TTC5: variants seen among roughly 807,000 people sequenced by gnomAD.
The protein encoded by TTC5 is tetratricopeptide repeat protein 5.
A neutral mutation model predicts 57.4 loss-of-function variants in TTC5; 46 were observed. The ratio of observed to expected loss-of-function variants is 0.80; its 90% confidence interval spans 0.63 to 1.03. The LOEUF (loss-of-function observed/expected upper bound fraction) is 1.03, where lower values mean the gene tolerates loss of function less well. Ranked by LOEUF, TTC5 falls within the 50% of genes least tolerant of loss-of-function variation. The probability of loss-of-function intolerance (pLI) is 0.00; values close to 1 mark genes in which losing one functional copy is unlikely to be tolerated. For missense variants in TTC5, 504 were observed against 528.1 expected, an observed-to-expected ratio of 0.95 and a Z score of 0.45; for synonymous variants, 190 against 203.5, an observed-to-expected ratio of 0.93 and a Z score of 0.57.
chr14:20,291,380 C>T (rs567261109), intron 9 of TTC5, among the ~76,000 whole-genome samples: 1 of 152,296 alleles, frequency 6.6e-6, no homozygotes, highest in East Asian at 1.9e-4. Context: ...TTAATAAACA[C>T]AAGCAGTGAG....
At chr14:20,299,528 A>T (rs2138815001) in intron 3 of TTC5, 80 bp from the exon 4 acceptor site, 1 of 1,510,196 alleles carries the variant, frequency 6.6e-7, no homozygotes, top group Middle Eastern at 1.7e-4. Context: ...CAGTCTTCTA[A>T]ATCTAATTTT....
chr14:20,304,328 T>C (rs977680896), intron 1 of TTC5, among the ~76,000 whole-genome samples: 1 of 152,250 alleles, frequency 6.6e-6, no homozygotes, highest in Admixed American at 6.5e-5. Flanking sequence ...GCAAATTTTA[T>C]TGTATTATAT....
chr14:20,300,639 C>T lies in TTC5; in HGVS notation c.364G>A (p.Ala122Thr), dbSNP rs757403603. 1 of 1,613,406 alleles carries T rather than the reference C, an allele frequency of 6.2e-7. No individual in the cohort carries two copies. The highest frequency in any genetic ancestry group is 1.3e-5 in the African/African-American group (1 of 75,034). ...VYWKKGDVAA[A>T]HTCFSGALTH... The stretch of plus-strand genomic sequence containing the variant: ...AGGGCTCCTGAGAAGCAGGTGTGGG[C>T]AGCTGCAACATCCCCTTTTTTCCAG... The change falls in exon 3 of 10, where the codon GCC (alanine) becomes ACC (threonine). Residue 122 changes from alanine to threonine, a missense_variant. By Grantham distance (58) the Ala-to-Thr change is moderately conservative. Transcript: ENST00000258821.
rs979411711 is a variant in TTC5, at chr14:20,287,147, T to A, written c.*2480A>T. 1 of 152,242 alleles carries A rather than the reference T, an allele frequency of 6.6e-6. No individual in the cohort carries two copies. The highest frequency in any genetic ancestry group is 2.4e-5 in the African/African-American group (1 of 41,468). The allele number at this position is 152,242 out of a possible 1,614,324, so 9.4% of individuals were successfully genotyped here. On this transcript the variant is annotated 3_prime_UTR_variant, in exon 10 of 10. Transcript: ENST00000258821. The stretch of plus-strand genomic sequence containing the variant: ...GCAATTCCATTCTATGTCAATACTC[T>A]TAAACAGTGGTTCTCAAATTTTACT...
intron 8 of TTC5, 41 bp from the exon 9 acceptor site, chr14:20,292,168 G>A (rs775520390): frequency 1.4e-6 from 2 of 1,415,122 alleles, no homozygotes; most frequent in South Asian, 3.5e-5. Flanking sequence ...AAAACAAAAA[G>A]GTATGTGGGT....
chr14:20,291,063 CTTT>C (rs201999119), intron 9 of TTC5, among the ~76,000 whole-genome samples: 1 of 149,030 alleles, frequency 6.7e-6, no homozygotes, highest in South Asian at 2.1e-4. Context: ...TCTTGTTTTT[CTTT>C]TTTTTTTGAG....
At chr14:20,305,774 G>T in intron 1 of TTC5, 113 bp downstream of exon 1, 1 of 1,126,908 alleles carries the variant, frequency 8.9e-7, no homozygotes, top group Non-Finnish European at 1.3e-6. Flanking sequence ...TAACCACACA[G>T]ACGCACGCAG....
chr14:20,297,261 T>C (rs893084949), intron 5 of TTC5, among the ~76,000 whole-genome samples: 1 of 152,164 alleles, frequency 6.6e-6, no homozygotes, highest in African/African-American at 2.4e-5. Context: ...AGAATTTTTT[T>C]TAAACAGATA....
chr14:20,291,954 G>A lies in TTC5; in HGVS notation c.1203+29C>T, dbSNP rs372947796. ...TTGGTTCTACTTTTAGAGCCTACGA[G>A]TTGTAAGAGAATCCTAGCCATTGCT... is the stretch of plus-strand genomic sequence containing the variant. On this transcript the variant is annotated intron_variant, in intron 9 of 9. Transcript: ENST00000258821. 40 of 1,527,846 alleles carry A rather than the reference G, an allele frequency of 2.6e-5. No homozygotes were observed. In the African/African-American group the frequency reaches 4.0e-4, roughly 15 times the overall value. 94.6% of individuals were successfully genotyped at this position (1,527,846 alleles called of 1,614,324 possible).
chr14:20,289,004 T>C lies in TTC5; in HGVS notation c.*623A>G, dbSNP rs940002021. 1 of 151,900 alleles carries C rather than the reference T, an allele frequency of 6.6e-6. No individual in the cohort carries two copies. Among genetic ancestry groups the C allele is most frequent in the Non-Finnish European group, 1.5e-5 (1 of 67,990 alleles). The allele number at this position is 151,900 out of a possible 1,614,324, so 9.4% of individuals were successfully genotyped here. A position where few individuals can be genotyped will look rare whatever the true frequency, so the allele number is the denominator to read the frequency against. ...GGGCTGTCTATTGTCGGAATTCTTTTAACTGGGAGAGAAATAAACTGCTTT... is the reference window on the plus strand; with the variant it reads ...GGGCTGTCTATTGTCGGAATTCTTTCAACTGGGAGAGAAATAAACTGCTTT... On this transcript the variant is annotated 3_prime_UTR_variant, in exon 10 of 10. Coordinates refer to ENST00000258821, the MANE Select transcript of TTC5 (RefSeq NM_138376.3).
At chr14:20,295,276 A>G in intron 8 of TTC5, 36 bp downstream of exon 8, 1 of 1,601,970 alleles carries the variant, frequency 6.2e-7, no homozygotes, top group Non-Finnish European at 8.6e-7. Flanking sequence ...AATTAGTTCA[A>G]AAGGGTAAAA....
chr14:20,291,798 C>T (rs1318178055), intron 9 of TTC5, among the ~76,000 whole-genome samples, 185 bp downstream of exon 9: 1 of 151,576 alleles, frequency 6.6e-6, no homozygotes, highest in Non-Finnish European at 1.5e-5. Context: ...TTTCTGCTTA[C>T]CAGTTTACCT....
intron 5 of TTC5, among the ~76,000 whole-genome samples, chr14:20,297,447 C>T (rs1448675166): frequency 6.6e-6 from 1 of 152,096 alleles, no homozygotes; most frequent in Non-Finnish European, 1.5e-5. Flanking sequence ...GATATGTTTA[C>T]AAATGCAGGT....
Position 20,295,460 on chromosome 14 carries a change from A to G in TTC5, c.910T>C (p.Cys304Arg), listed in dbSNP as rs1882041553. 3 of 1,614,158 alleles carry G rather than the reference A, an allele frequency of 1.9e-6. No homozygotes were observed. The highest frequency in any genetic ancestry group is 2.5e-6 in the Non-Finnish European group (3 of 1,180,032). ...GCTGACTGATAGTGCCCATCACTGC[A>G]AGGGCCTAGATGGGCTGGGCGCAAG... Reference protein sequence around the residue: ...GSLRPAHLGPCSDGHYQSASG... With the variant: ...GSLRPAHLGPRSDGHYQSASG... The change falls in exon 8 of 10, where the codon TGC becomes CGC. Residue 304 changes from cysteine to arginine, a missense_variant. Coordinates refer to ENST00000258821, the MANE Select transcript of TTC5 (RefSeq NM_138376.3).
chr14:20,295,622 C>T (rs1221891440), intron 7 of TTC5, 86 bp downstream of exon 7: 2 of 1,544,994 alleles, frequency 1.3e-6, no homozygotes, highest in Non-Finnish European at 1.7e-6. Context: ...GGGTCTCTAC[C>T]TCGTAAACCT....
In TTC5 at chr14:20,300,759, G is replaced by A; in HGVS notation, c.244C>T (p.Pro82Ser). The change falls in exon 3 of 10, where the codon CCT becomes TCT. Residue 82 changes from proline to serine, a missense_variant. Coordinates refer to ENST00000258821, the MANE Select transcript of TTC5 (RefSeq NM_138376.3). The stretch of plus-strand genomic sequence containing the variant: ...TCCTCAGCCTTAGGGCTATAGTCAG[G>A]AGTCACATTTAGTGCTTTCCCAGTT... Reference protein sequence around the residue: ...MLTGKALNVTPDYSPKAEELL... With the variant: ...MLTGKALNVTSDYSPKAEELL... The A allele has an allele frequency of 3.1e-6, 5 of 1,614,182 alleles. No homozygotes were observed. Among genetic ancestry groups the A allele is most frequent in the Non-Finnish European group, 4.2e-6 (5 of 1,180,040 alleles).
Position 20,295,398 on chromosome 14 carries a change from C to G in TTC5, c.972G>C (p.Leu324=). 3 of 1,614,186 alleles carry G rather than the reference C, an allele frequency of 1.9e-6. No homozygotes were observed. Among genetic ancestry groups the G allele is most frequent in the Non-Finnish European group, 2.5e-6 (3 of 1,180,022 alleles). Residue 324 remains leucine, a synonymous_variant, in exon 8 of 10, where the codon CTG becomes CTC. Coordinates refer to ENST00000258821, the MANE Select transcript of TTC5 (RefSeq NM_138376.3). ...TGTTCACCCCAGGCTGAAGCGTACT[C>G]AGTGGCTTGAGCTCCAGGGTCACTT... ...GQKVTLELKP[L]STLQPGVNSG... is the part of the protein sequence containing the mutation.
chr14:20,296,434 T>C lies in TTC5; in HGVS notation c.652A>G (p.Arg218Gly). 6.2e-7 allele frequency: 1 copy of C among 1,612,402 alleles called. No homozygotes were observed. ...AGGTCAGGATTGCTAGAAGCTTTTC[T>C]GTCAACTTTCTCCTATAATGGGATG... ...SAYAQAEKVD[R>G]KASSNPDLHL... Residue 218 changes from arginine (R) to glycine (G), a missense_variant, in exon 6 of 10, where the codon AGA (arginine) becomes GGA (glycine). Physicochemically the swap from Arg to Gly is moderately radical, Grantham distance 125. Transcript: ENST00000258821.
chr14:20,295,578 A>G, intron 7 of TTC5, 52 bp from the exon 8 acceptor site: 1 of 1,579,840 alleles, frequency 6.3e-7, no homozygotes, highest in Non-Finnish European at 8.6e-7. Flanking sequence ...GCCTTCCTTG[A>G]GATTCTAATC....
Sources: gnomAD v4.1 joint callset for allele counts (sites outside exome capture counted in the v4.1 genomes callset) on GRCh38, gnomAD v4.1.1 for gene constraint, MANE v1.5 for transcripts, NCBI Gene and HGNC (gene_info 2026-07-23, HGNC 2026-07-21) for gene names.